Variants in ASTN2 observed in about 807,000 individuals in gnomAD.
ASTN2 encodes astrotactin-2.
In ASTN2, 54 loss-of-function variants were observed where a neutral mutation model predicts 139.8. The observed-to-expected ratio is 0.39, with a 90% CI of 0.31 to 0.48. The LOEUF (loss-of-function observed/expected upper bound fraction) is 0.48. Among genes scored for constraint, ASTN2 ranks in the 20% least tolerant of loss-of-function variants. The probability of loss-of-function intolerance (pLI) is 0.95; values close to 1 mark genes in which losing one functional copy is unlikely to be tolerated. For missense variants in ASTN2, 1,565 were observed against 1,725.1 expected, an observed-to-expected ratio of 0.91 and a Z score of 1.64; for synonymous variants, 756 against 719.5, an observed-to-expected ratio of 1.05 and a Z score of -0.81.
chr9:116,917,743 T>G (rs141701692), intron 10 of ASTN2, among the ~76,000 whole-genome samples: 10 of 152,200 alleles, frequency 6.6e-5, no homozygotes, highest in African/African-American at 2.4e-4. Flanking sequence ...GATCATGTAA[T>G]TGGTTAATTA....
At chr9:116,927,790 A>T (rs925643266) in intron 10 of ASTN2, among the ~76,000 whole-genome samples, 1 of 152,188 alleles carries the variant, frequency 6.6e-6, no homozygotes, top group African/African-American at 2.4e-5. Flanking sequence ...TTCCTACCCC[A>T]GGATCATGCT....
chr9:116,589,188 TGAAA>T (rs1854278799), intron 19 of ASTN2, among the ~76,000 whole-genome samples: 1 of 152,190 alleles, frequency 6.6e-6, no homozygotes, highest in South Asian at 2.1e-4. Flanking sequence ...GTAGGAGGAA[TGAAA>T]GAGAGCTGAA....
Position 117,262,877 on chromosome 9 carries a change from T to C in ASTN2, c.630+28449A>G, listed in dbSNP as rs571676197. Among the ~76,000 whole-genome samples, 390 of 152,232 alleles carry C rather than the reference T, an allele frequency of 2.6e-3. 7 individuals carry two copies. Among genetic ancestry groups the C allele is most frequent in the African/African-American group, 9.0e-3 (375 of 41,556 alleles). ...TGAGAAGAACTCGACCCCCTAGTAT[T>C]GGCTTTGCAGATGGAGGAAGGGGGC... On this transcript the variant is annotated intron_variant, in intron 2 of 22. Transcript: ENST00000313400.
At chr9:116,565,215 A>AAC (rs59415099) in intron 19 of ASTN2, among the ~76,000 whole-genome samples, 2,110 of 134,240 alleles carry the variant, frequency 0.016, 22 homozygotes, top group African/African-American at 0.023. Context: ...GCTTGCCACA[A>AAC]ACACACACAC....
intron 1 of ASTN2, among the ~76,000 whole-genome samples, chr9:117,295,124 C>A (rs994382275): frequency 1.3e-5 from 2 of 152,098 alleles, no homozygotes; most frequent in African/African-American, 4.8e-5. Context: ...GCATTTGAGA[C>A]CAGCCCGGCC....
intron 1 of ASTN2, among the ~76,000 whole-genome samples, chr9:117,351,521 C>T (rs983817456): frequency 6.6e-6 from 1 of 152,206 alleles, no homozygotes; most frequent in African/African-American, 2.4e-5. Context: ...GCATATATCA[C>T]TGCCCCCAGG....
intron 20 of ASTN2, among the ~76,000 whole-genome samples, chr9:116,481,586 C>G (rs773322685): frequency 6.6e-6 from 1 of 152,182 alleles, no homozygotes; most frequent in Non-Finnish European, 1.5e-5. Flanking sequence ...TAGAGTGGCA[C>G]TGATAACCCT....
intron 7 of ASTN2, among the ~76,000 whole-genome samples, chr9:116,993,872 A>ATATATATATATG (rs1804571876): frequency 7.4e-6 from 1 of 135,686 alleles, no homozygotes; most frequent in Non-Finnish European, 1.6e-5. Flanking sequence ...ATATATATAT[A>ATATATATATATG]TATATTTTAA....
intron 5 of ASTN2, among the ~76,000 whole-genome samples, chr9:117,094,676 A>G (rs1047891554): frequency 6.6e-6 from 1 of 152,176 alleles, no homozygotes; most frequent in South Asian, 2.1e-4. Flanking sequence ...TAATGTGTCA[A>G]TGGAAACACT....
In ASTN2 at chr9:116,565,411, A is replaced by C. The variant is rs1460347772; in HGVS notation, c.3355+52913T>G. Among the ~76,000 whole-genome samples, 149 of 105,664 alleles carry C rather than the reference A, an allele frequency of 1.4e-3. 3 individuals are homozygous for C. Among genetic ancestry groups the C allele is most frequent in the Non-Finnish European group, 1.9e-3 (100 of 51,358 alleles). 69.3% of individuals were successfully genotyped at this position (105,664 alleles called of 152,430 possible). A position where few individuals can be genotyped will look rare whatever the true frequency, so the allele number is the denominator to read the frequency against. Reference sequence around the variant, plus strand: ...TCCATATATATATATATATATATATATATATATATATATATATATTTATTT... The same window carrying C: ...TCCATATATATATATATATATATATCTATATATATATATATATATTTATTT... On this transcript the variant is annotated intron_variant, in intron 19 of 22. Coordinates refer to ENST00000313400, the MANE Select transcript of ASTN2 (RefSeq NM_001365068.1).
chr9:116,581,625 G>GC (rs1273282280), intron 19 of ASTN2, among the ~76,000 whole-genome samples: 1 of 152,168 alleles, frequency 6.6e-6, no homozygotes, highest in African/African-American at 2.4e-5. Flanking sequence ...CATATTGCAT[G>GC]ATCTGAGCTA....
At chr9:117,020,804 A>G (rs1396427843) in intron 6 of ASTN2, among the ~76,000 whole-genome samples, 1 of 152,180 alleles carries the variant, frequency 6.6e-6, no homozygotes, top group African/African-American at 2.4e-5. Flanking sequence ...GCGTGCAATC[A>G]GTAAAGCATT....
intron 16 of ASTN2, among the ~76,000 whole-genome samples, chr9:116,702,007 G>A (rs62574188): frequency 0.15 from 22,738 of 151,646 alleles, 1,798 homozygotes; most frequent in Middle Eastern, 0.2. Flanking sequence ...GGTTTGTGCC[G>A]CTGAAGAATA....
intron 2 of ASTN2, among the ~76,000 whole-genome samples, chr9:117,256,113 A>G (rs1360206541): frequency 2.0e-5 from 3 of 152,180 alleles, no homozygotes; most frequent in Non-Finnish European, 4.4e-5. Flanking sequence ...GGCAGGGCAG[A>G]GATGACTGTT....
chr9:116,901,090 T>TTGTG (rs59919446), intron 10 of ASTN2, among the ~76,000 whole-genome samples: 10,678 of 149,576 alleles, frequency 0.071, 492 homozygotes, highest in Non-Finnish European at 0.11. Flanking sequence ...CGGCTACTGA[T>TTGTG]TGTGTGTGTG....
intron 10 of ASTN2, among the ~76,000 whole-genome samples, chr9:116,964,256 T>TGTGTGTGTGCGC (rs1491183340): frequency 4.0e-5 from 4 of 98,920 alleles, no homozygotes; most frequent in African/African-American, 1.3e-4. Flanking sequence ...TGTGTGTGTG[T>TGTGTGTGTGCGC]GCGCGCGCGC....
At chr9:117,033,472 C>A (rs151114227) in intron 6 of ASTN2, among the ~76,000 whole-genome samples, 67 of 152,142 alleles carry the variant, frequency 4.4e-4, no homozygotes, top group African/African-American at 1.5e-3. Flanking sequence ...CTATTATCCC[C>A]AATTTATAGA....
At chr9:116,991,988 T>C (rs1021419648) in intron 7 of ASTN2, among the ~76,000 whole-genome samples, 3 of 152,118 alleles carry the variant, frequency 2.0e-5, no homozygotes, top group Non-Finnish European at 2.9e-5. Context: ...AACACTTATT[T>C]ATATGAATGA....
At chr9:116,613,704 TA>T (rs1855679292) in intron 19 of ASTN2, 2 of 152,156 alleles carry the variant, frequency 1.3e-5, no homozygotes, top group South Asian at 4.1e-4. Context: ...CTCAATAAAC[TA>T]GGTACTGATG....
Sources: allele counts gnomAD v4.1 joint callset (sites outside exome capture counted in the v4.1 genomes callset), GRCh38; gene constraint gnomAD v4.1.1; transcripts MANE v1.5; gene names NCBI Gene and HGNC (gene_info 2026-07-23, HGNC 2026-07-21).